Variants in ZMIZ1 observed in about 807,000 individuals in gnomAD.
The protein encoded by ZMIZ1 is zinc finger MIZ-type containing 1.
Under a neutral mutation model 113.9 loss-of-function variants are expected in ZMIZ1, and 17 were observed. The ratio of observed to expected loss-of-function variants is 0.15; its 90% CI spans 0.10 to 0.22. ZMIZ1 has a LOEUF of 0.22. Ranked by LOEUF, ZMIZ1 falls within the 10% of genes least tolerant of loss-of-function variation. The probability of loss-of-function intolerance (pLI) is 1.00; values close to 1 mark genes in which losing one functional copy is unlikely to be tolerated. For missense variants in ZMIZ1, 1,059 were observed against 1,477.8 expected (o/e 0.72, Z 4.65); for synonymous variants, 607 against 603.1 (o/e 1.01, Z -0.09).
At chr10:79,222,827 C>T (rs189359984) in intron 7 of ZMIZ1, among the ~76,000 whole-genome samples, 1 of 152,290 alleles carries the variant, frequency 6.6e-6, no homozygotes, top group Admixed American at 6.5e-5. Context: ...CCCAAGGGCC[C>T]TGGAGAGTGC....
rs374423385 is a variant in ZMIZ1, at chr10:79,308,210, C to T, written c.2835+639C>T. 7.9e-5 allele frequency among the ~76,000 whole-genome samples: 12 copies of T among 152,286 alleles called. 1 individual carries two copies. Among genetic ancestry groups the T allele is most frequent in the African/African-American group, 2.6e-4 (11 of 41,552 alleles). ...CCCTGGAGTCCTCATCCAGTGAGTG[C>T]CACGTGGTTCCACTCATTTTAACAA... On this transcript the variant is annotated intron_variant, in intron 23 of 24. Transcript: ENST00000334512.
At chr10:79,214,116 A>G (rs1848627292) in intron 6 of ZMIZ1, among the ~76,000 whole-genome samples, 1 of 151,604 alleles carries the variant, frequency 6.6e-6, no homozygotes, top group Admixed American at 6.6e-5. Flanking sequence ...CTTCCTCCTC[A>G]CTCTCTGGAG....
intron 1 of ZMIZ1, among the ~76,000 whole-genome samples, chr10:79,090,608 T>C (rs564043393): frequency 2.6e-5 from 4 of 152,296 alleles, no homozygotes; most frequent in Non-Finnish European, 4.4e-5. Context: ...AATGAAGCCA[T>C]GTGCTGAGAT....
chr10:79,306,232 G>C lies in ZMIZ1; in HGVS notation c.2556G>C (p.Gln852His). 6.2e-7 allele frequency: 1 copy of C among 1,614,182 alleles called. No individual in the cohort carries two copies. The highest frequency in any genetic ancestry group is 8.5e-7 in the Non-Finnish European group (1 of 1,180,026). Residue 852 changes from glutamine (Q) to histidine (H), a missense_variant, in exon 22 of 25, where the codon CAG becomes CAC. Around this residue, in one of 6 missense-constraint regions of ZMIZ1, gnomAD observed 217 missense variants for 426.9 expected, o/e 0.51. Coordinates refer to ENST00000334512, the MANE Select transcript of ZMIZ1 (RefSeq NM_020338.4). ...GGTTCAAGACCATGAGTCCCAGCCA[G>C]ATGATCATGCCCAATGTCATGGAGA... is the stretch of plus-strand genomic sequence containing the variant. The part of the protein sequence containing the change: ...SKRFKTMSPS[Q>H]MIMPNVMEMI...
At chr10:79,211,883 G>C (rs2802361) in intron 6 of ZMIZ1, among the ~76,000 whole-genome samples, 36,781 of 152,222 alleles carry the variant, frequency 0.24, 5,162 homozygotes, top group Non-Finnish European at 0.34. Flanking sequence ...AGCAGGTCCA[G>C]GAGGGAACCG....
chr10:79,088,804 A>C (rs1471302778), intron 1 of ZMIZ1, among the ~76,000 whole-genome samples: 1 of 152,142 alleles, frequency 6.6e-6, no homozygotes, highest in Admixed American at 6.5e-5. Flanking sequence ...CTGCAAATGC[A>C]TTTCAGTCCT....
rs185500070 is a variant in ZMIZ1, at chr10:79,259,432, G to A, written c.281-17749G>A. On this transcript the variant is annotated intron_variant, in intron 7 of 24. Coordinates refer to ENST00000334512, the MANE Select transcript of ZMIZ1 (RefSeq NM_020338.4). Reference sequence around the variant, plus strand: ...CTTCAACAGGGCTTCATCGTGCACCGTGTGGCTTCTTCTGTTCCATGCAGA... The same window carrying A: ...CTTCAACAGGGCTTCATCGTGCACCATGTGGCTTCTTCTGTTCCATGCAGA... 1.1e-4 allele frequency among the ~76,000 whole-genome samples: 17 copies of A among 152,216 alleles called. No individual in the cohort carries two copies. The South Asian group carries it at 1.7e-3, about 15-fold the overall frequency.
intron 5 of ZMIZ1, among the ~76,000 whole-genome samples, chr10:79,204,885 GA>G (rs1202438353): frequency 1.3e-5 from 2 of 152,184 alleles, no homozygotes; most frequent in Non-Finnish European, 2.9e-5. Context: ...GTAGATGAAT[GA>G]AGGGATGGAT....
intron 4 of ZMIZ1, among the ~76,000 whole-genome samples, chr10:79,180,070 C>T (rs1847050665): frequency 6.6e-6 from 1 of 152,198 alleles, no homozygotes; most frequent in Non-Finnish European, 1.5e-5. Context: ...GACGGGCCCC[C>T]ACAGCACCAT....
chr10:79,290,578 C>T (rs1186723075), intron 9 of ZMIZ1, among the ~76,000 whole-genome samples: 1 of 152,186 alleles, frequency 6.6e-6, no homozygotes, highest in Non-Finnish European at 1.5e-5. Flanking sequence ...AAGACGCTGG[C>T]ATCCAGGCTC....
At chr10:79,215,751 G>T (rs1848699226) in intron 6 of ZMIZ1, among the ~76,000 whole-genome samples, 2 of 152,104 alleles carry the variant, frequency 1.3e-5, no homozygotes, top group African/African-American at 4.8e-5. Flanking sequence ...GGAGCTCAGT[G>T]AGGGGTGGGG....
intron 4 of ZMIZ1, among the ~76,000 whole-genome samples, chr10:79,198,622 T>C (rs758634399): frequency 6.6e-6 from 1 of 152,138 alleles, no homozygotes; most frequent in Non-Finnish European, 1.5e-5. Flanking sequence ...AAAGCACTTA[T>C]CAAAAATACA....
At chr10:79,305,113 G>C in intron 19 of ZMIZ1, 51 bp from the exon 20 acceptor site, 1 of 1,606,504 alleles carries the variant, frequency 6.2e-7, no homozygotes, top group Non-Finnish European at 8.5e-7. Context: ...GGCACATCTA[G>C]GCAGTTTCTG....
In ZMIZ1 at chr10:79,120,323, C is replaced by G. The variant is rs75328550; in HGVS notation, c.-227+1299C>G. 2.6e-3 allele frequency among the ~76,000 whole-genome samples: 398 copies of G among 152,328 alleles called. 6 individuals are homozygous for G. The East Asian group carries it at 0.064, about 25-fold the overall frequency. Reference sequence around the variant, plus strand: ...CTCGTGTTGGAACTACACACATACACGGGCACAAACTCTCACAAGCACACA... The same window carrying G: ...CTCGTGTTGGAACTACACACATACAGGGGCACAAACTCTCACAAGCACACA... On this transcript the variant is annotated intron_variant, in intron 2 of 24. Transcript: ENST00000334512.
At chr10:79,121,418 G>T (rs1174439222) in intron 2 of ZMIZ1, among the ~76,000 whole-genome samples, 1 of 152,216 alleles carries the variant, frequency 6.6e-6, no homozygotes, top group Non-Finnish European at 1.5e-5. Context: ...CTGGGCTTTA[G>T]TTCTGACCTA....
chr10:79,186,380 C>T (rs1847353298), intron 4 of ZMIZ1, among the ~76,000 whole-genome samples: 1 of 152,214 alleles, frequency 6.6e-6, no homozygotes, highest in Non-Finnish European at 1.5e-5. Context: ...TTTTCACCGG[C>T]CCCCACAGAC....
intron 7 of ZMIZ1, among the ~76,000 whole-genome samples, chr10:79,261,433 T>A (rs541951169): frequency 1.3e-5 from 2 of 152,226 alleles, no homozygotes; most frequent in South Asian, 4.1e-4. Context: ...GCGTGCTGAT[T>A]AAACACTGCA....
intron 4 of ZMIZ1, among the ~76,000 whole-genome samples, chr10:79,180,032 C>T (rs1303869056): frequency 6.6e-6 from 1 of 152,268 alleles, no homozygotes; most frequent in East Asian, 1.9e-4. Context: ...ATCCACCTGT[C>T]CCCTTCCTGC....
rs531952593 is a variant in ZMIZ1, at chr10:79,123,625, T to G, written c.-227+4601T>G. On this transcript the variant is annotated intron_variant, in intron 2 of 24. Transcript: ENST00000334512. ...ATCAGGGATTGGGGTTGGGCTGGATTTGGATTTCATATGAGGCAATCCCAA... is the reference window on the plus strand; with the variant it reads ...ATCAGGGATTGGGGTTGGGCTGGATGTGGATTTCATATGAGGCAATCCCAA... Among the ~76,000 whole-genome samples the G allele has an allele frequency of 7.5e-4, 114 of 152,254 alleles. 2 individuals are homozygous for G. The highest frequency in any genetic ancestry group is 2.4e-3 in the African/African-American group (101 of 41,572).
Sources: gnomAD v4.1 joint callset for allele counts (sites outside exome capture counted in the v4.1 genomes callset) on GRCh38, gnomAD v4.1.1 for gene constraint, gnomAD v4.1.1 regional missense constraint, MANE v1.5 for transcripts, NCBI Gene and HGNC (gene_info 2026-07-23, HGNC 2026-07-21) for gene names.